Variants in NAA11 observed in about 807,000 individuals in gnomAD.
NAA11 encodes the protein N-alpha-acetyltransferase 11.
A neutral mutation model predicts 16.1 loss-of-function variants in NAA11; 15 were observed. That is an observed-to-expected ratio of 0.93 (90% CI 0.62 to 1.44). The LOEUF is 1.44. Among genes scored for constraint, NAA11 ranks in the 40% most tolerant of loss-of-function variants. The probability of loss-of-function intolerance (pLI) is 0.00; values close to 1 mark genes in which losing one functional copy is unlikely to be tolerated. For missense variants in NAA11, 298 were observed against 291.3 expected (o/e 1.02, Z -0.17); for synonymous variants, 122 against 112.4 (o/e 1.09, Z -0.54).
chr4:79,309,318 T>A (rs900326206), intron 1 of NAA11, among the ~76,000 whole-genome samples: 1 of 151,712 alleles, frequency 6.6e-6, no homozygotes. Context: ...ATTTTTTTCC[T>A]TTCAAAAACA....
At chr4:79,314,753 C>T (rs1723878627), downstream of NAA11, among the ~76,000 whole-genome samples, 1 of 150,188 alleles carries the variant, frequency 6.7e-6, no homozygotes, top group African/African-American at 2.5e-5. Flanking sequence ...CCAATGAACA[C>T]GATAAATTGA....
At chr4:79,202,136 T>A in the NAA11 span, among the ~76,000 whole-genome samples, 1 of 151,612 alleles carries the variant, frequency 6.6e-6, no homozygotes, top group Non-Finnish European at 1.5e-5. Flanking sequence ...TTCCATGAGA[T>A]CAACCTTTTT....
the NAA11 span, among the ~76,000 whole-genome samples, chr4:79,218,412 T>G: frequency 6.6e-6 from 1 of 152,082 alleles, no homozygotes; most frequent in South Asian, 2.1e-4. Context: ...TTAGCTGTAT[T>G]TTTACATATA....
chr4:79,214,126 G>A, the NAA11 span, among the ~76,000 whole-genome samples: 1 of 152,140 alleles, frequency 6.6e-6, no homozygotes, highest in African/African-American at 2.4e-5. Context: ...TGCTGATCAT[G>A]AGTATTTTTT....
At chr4:79,212,493 C>A in the NAA11 span, among the ~76,000 whole-genome samples, 1 of 151,742 alleles carries the variant, frequency 6.6e-6, no homozygotes, top group Non-Finnish European at 1.5e-5. Flanking sequence ...CTTTGCAAAA[C>A]CTTGCAAAGG....
At chr4:79,207,193 T>G in the NAA11 span, among the ~76,000 whole-genome samples, 1 of 151,988 alleles carries the variant, frequency 6.6e-6, no homozygotes, top group Non-Finnish European at 1.5e-5. Context: ...CATTTATTCC[T>G]TGCTCTTGCC....
chr4:79,188,360 T>A, the NAA11 span, among the ~76,000 whole-genome samples: 7 of 151,352 alleles, frequency 4.6e-5, no homozygotes, highest in African/African-American at 1.5e-4. Context: ...CCGAGGCGGG[T>A]GGATCACGAG....
intron 2 of NAA11, among the ~76,000 whole-genome samples, chr4:79,244,097 C>G (rs1419581510): frequency 6.6e-6 from 1 of 152,206 alleles, no homozygotes; most frequent in Non-Finnish European, 1.5e-5. Context: ...AGTTACTTCT[C>G]CCTGGGGTCA....
At chr4:79,156,329 G>GTATATA in the NAA11 span, among the ~76,000 whole-genome samples, 5 of 149,360 alleles carry the variant, frequency 3.3e-5, no homozygotes, top group African/African-American at 9.8e-5. Context: ...GTGTGTGTGT[G>GTATATA]TATATATATA....
At chr4:79,207,367 TA>T in the NAA11 span, among the ~76,000 whole-genome samples, 174 of 115,890 alleles carry the variant, frequency 1.5e-3, no homozygotes, top group African/African-American at 4.5e-3. Context: ...TGAATGAGGT[TA>T]AAAAAAAAAA....
intron 2 of NAA11, among the ~76,000 whole-genome samples, chr4:79,257,327 A>G (rs1316427680): frequency 6.6e-6 from 1 of 152,064 alleles, no homozygotes; most frequent in Non-Finnish European, 1.5e-5. Context: ...TGTTTTCTAG[A>G]TATATCTTGG....
chr4:79,277,336 C>A (rs768146975), intron 2 of NAA11, among the ~76,000 whole-genome samples: 2 of 152,036 alleles, frequency 1.3e-5, no homozygotes, highest in Non-Finnish European at 1.5e-5. Context: ...GGTGCAGAGG[C>A]TCATAAAAAT....
At chr4:79,201,653 AT>A in the NAA11 span, among the ~76,000 whole-genome samples, 1 of 151,682 alleles carries the variant, frequency 6.6e-6, no homozygotes, top group African/African-American at 2.4e-5. Context: ...GACTTTTTAA[AT>A]TTTTACGTAA....
In NAA11 at chr4:79,325,400, G is replaced by A. The variant is rs957566798; in HGVS notation, c.478C>T (p.Arg160Ter). ...CCGCCCTTCTTCAGGTCCATTTGTC[G>A]TCTCAGCTCATCTGCCATCTGCGAG... ...DLSQMADELR[R>*]QMDLKKGGYV... Residue 160 changes from arginine to a stop codon, truncating the protein, a stop_gained, in exon 1 of 2, where the codon CGA becomes TGA. Coordinates refer to ENST00000286794, the MANE Select transcript of NAA11 (RefSeq NM_032693.3). LOFTEE classifies it high-confidence loss of function. 19 of 1,613,970 alleles carry A rather than the reference G, an allele frequency of 1.2e-5. No individual in the cohort carries two copies. Among genetic ancestry groups the A allele is most frequent in the Admixed American group, 3.3e-5 (2 of 59,992 alleles).
At chr4:79,167,238 C>T in the NAA11 span, among the ~76,000 whole-genome samples, 1 of 111,936 alleles carries the variant, frequency 8.9e-6, no homozygotes, top group African/African-American at 3.6e-5. Context: ...TGTATGTATA[C>T]ACACACACAC....
At chr4:79,287,794 G>A (rs1722976081) in intron 2 of NAA11, among the ~76,000 whole-genome samples, 1 of 152,168 alleles carries the variant, frequency 6.6e-6, no homozygotes, top group South Asian at 2.1e-4. Flanking sequence ...GATAGCTGAA[G>A]TGACAACTAA....
At chr4:79,256,650 A>ATATATAT (rs1491532297) in intron 2 of NAA11, among the ~76,000 whole-genome samples, 7,086 of 101,564 alleles carry the variant, frequency 0.07, 345 homozygotes, top group East Asian at 0.13. Context: ...ATATAAATAT[A>ATATATAT]AATATATATA....
At chr4:79,220,034 C>T in the NAA11 span, among the ~76,000 whole-genome samples, 5 of 152,308 alleles carry the variant, frequency 3.3e-5, no homozygotes, top group African/African-American at 9.6e-5. Context: ...CAGCCATTGT[C>T]CCAAGAAGCC....
chr4:79,299,484 C>T (rs1413074038), intron 1 of NAA11: 1 of 152,070 alleles, frequency 6.6e-6, no homozygotes, highest in African/African-American at 2.4e-5. Flanking sequence ...ATATCAAGAC[C>T]CCAATGTTGT....
Sources: gnomAD v4.1 joint callset for allele counts (sites outside exome capture counted in the v4.1 genomes callset) on GRCh38, gnomAD v4.1.1 for gene constraint, MANE v1.5 for transcripts, NCBI Gene and HGNC (gene_info 2026-07-23, HGNC 2026-07-21) for gene names.